Variants in LARP4 observed in about 807,000 individuals in gnomAD.
LARP4 encodes the protein La ribonucleoprotein 4, also known as la-related protein 4.
In LARP4, 29 loss-of-function variants were observed where a neutral mutation model predicts 92.9. That is an observed-to-expected ratio of 0.31 (90% CI 0.23 to 0.43). The LOEUF is 0.43. Ranked by LOEUF, LARP4 falls within the 20% of genes least tolerant of loss-of-function variation. The pLI is 1.00. For synonymous variants in LARP4, 279 were observed against 284.1 expected, an observed-to-expected ratio of 0.98 and a Z score of 0.18; for missense variants, 732 against 860.0, an observed-to-expected ratio of 0.85 and a Z score of 1.86.
chr12:50,410,291 T>C (rs930195213), intron 1 of LARP4, among the ~76,000 whole-genome samples: 5 of 152,020 alleles, frequency 3.3e-5, no homozygotes, highest in African/African-American at 1.2e-4. Flanking sequence ...CTAGGCTGGT[T>C]TGAACTCCTG....
chr12:50,415,287 T>C (rs1345314062), intron 1 of LARP4, among the ~76,000 whole-genome samples: 1 of 152,172 alleles, frequency 6.6e-6, no homozygotes, highest in Non-Finnish European at 1.5e-5. Context: ...GAAGTACTGC[T>C]TATCTTTATG....
chr12:50,456,302 A>T (rs1294284120), intron 10 of LARP4, among the ~76,000 whole-genome samples: 2 of 152,176 alleles, frequency 1.3e-5, no homozygotes, highest in Non-Finnish European at 2.9e-5. Context: ...GTTACTTAAA[A>T]CCACTTGTGT....
chr12:50,471,555 G>T (rs1956933248), intron 13 of LARP4, among the ~76,000 whole-genome samples: 1 of 152,062 alleles, frequency 6.6e-6, no homozygotes, highest in Non-Finnish European at 1.5e-5. Flanking sequence ...ATGGAGTGTC[G>T]CTCTGTCGCG....
At chr12:50,459,022 G>C (rs571323727) in intron 10 of LARP4, among the ~76,000 whole-genome samples, 2 of 152,184 alleles carry the variant, frequency 1.3e-5, no homozygotes, top group Non-Finnish European at 2.9e-5. Context: ...TTTTGAGACG[G>C]AGTTTTGTTT....
intron 9 of LARP4, among the ~76,000 whole-genome samples, chr12:50,454,012 G>A (rs879388666): frequency 1.3e-5 from 2 of 152,058 alleles, no homozygotes; most frequent in African/African-American, 2.4e-5. Flanking sequence ...CTATTAGAGC[G>A]CATAATTTTA....
At chr12:50,418,646 C>G (rs1947246418) in intron 1 of LARP4, among the ~76,000 whole-genome samples, 1 of 151,756 alleles carries the variant, frequency 6.6e-6, no homozygotes, top group Non-Finnish European at 1.5e-5. Context: ...GTCTCGAACT[C>G]CTGAGCTCAA....
At chr12:50,429,122 A>G in intron 3 of LARP4, 32 bp downstream of exon 3, 2 of 1,538,872 alleles carry the variant, frequency 1.3e-6, no homozygotes, top group Non-Finnish European at 1.8e-6. Flanking sequence ...TTAAAATGAG[A>G]ATTCAGTACA....
chr12:50,435,004 C>T (rs1053751749), intron 4 of LARP4, among the ~76,000 whole-genome samples: 10 of 152,286 alleles, frequency 6.6e-5, no homozygotes, highest in Middle Eastern at 3.4e-3. Context: ...GTCGAGTTTG[C>T]GCCACTGCGC....
rs1222634234 is a variant in LARP4, at chr12:50,479,387, A to AT, written c.*3529dup. 6.6e-6 allele frequency: 1 copy of AT among 152,012 alleles called. No individual in the cohort carries two copies. Among genetic ancestry groups the AT allele is most frequent in the Non-Finnish European group, 1.5e-5 (1 of 67,984 alleles). 9.4% of individuals were successfully genotyped at this position (152,012 alleles called of 1,614,324 possible). On this transcript the variant is annotated 3_prime_UTR_variant, in exon 16 of 16. Coordinates refer to ENST00000398473, the MANE Select transcript of LARP4 (RefSeq NM_052879.5). ...ATAATATATGATGGATTTTTTCCTA[A>AT]TTTTTTATATTTCCTTACAATTTTG... is the stretch of plus-strand genomic sequence containing the variant.
At chr12:50,411,771 C>T (rs778235188) in intron 1 of LARP4, among the ~76,000 whole-genome samples, 6 of 152,128 alleles carry the variant, frequency 3.9e-5, no homozygotes, top group Non-Finnish European at 7.3e-5. Flanking sequence ...GCCTCTGCCC[C>T]CCGAGTTCAA....
chr12:50,450,061 G>C lies in LARP4; in HGVS notation c.805-3399G>C, dbSNP rs569976451. Among the ~76,000 whole-genome samples the C allele has an allele frequency of 4.0e-5, 6 of 148,386 alleles. No homozygotes were observed. The South Asian group carries it at 1.3e-3, about 32-fold the overall frequency. On this transcript the variant is annotated intron_variant, in intron 8 of 15. Transcript: ENST00000398473. ...CGATTCCCCTGCCTCAGCCTCCCAA[G>C]TAGCTGGGACTACAGGTGTGCACCA...
At chr12:50,422,982 T>C (rs1330818759) in intron 1 of LARP4, among the ~76,000 whole-genome samples, 1 of 151,842 alleles carries the variant, frequency 6.6e-6, no homozygotes, top group African/African-American at 2.4e-5. Context: ...CATGCTTGGC[T>C]AATTTTTTTG....
At chr12:50,406,872 C>G (rs929976133) in intron 1 of LARP4, among the ~76,000 whole-genome samples, 9 of 151,548 alleles carry the variant, frequency 5.9e-5, no homozygotes, top group African/African-American at 2.2e-4. Context: ...ACGTACGCCA[C>G]CATGCTGGCT....
At chr12:50,436,313 G>A (rs948321786) in intron 5 of LARP4, among the ~76,000 whole-genome samples, 7 of 151,534 alleles carry the variant, frequency 4.6e-5, no homozygotes, top group South Asian at 2.1e-4. Flanking sequence ...CACCACCCCC[G>A]GCCTATATAC....
At position 50,426,719 on chromosome 12, in the gene LARP4, GTGTGTGTGTGTGGT is replaced by G. The variant is rs1354234403; in HGVS notation, c.19-1041_19-1028del. Reference sequence around the variant, plus strand: ...TGTGTGTGTGTGTGTGTGTGTGTGTGTGTGTGTGTGTGGTTTTTTTTTTTTTTTTTTTCTTTTTT... The same window carrying G: ...TGTGTGTGTGTGTGTGTGTGTGTGTGTTTTTTTTTTTTTTTTTTCTTTTTT... On this transcript the variant is annotated intron_variant, in intron 1 of 15. Coordinates refer to ENST00000398473, the MANE Select transcript of LARP4 (RefSeq NM_052879.5). Among the ~76,000 whole-genome samples, 31 of 132,728 alleles carry G rather than the reference GTGTGTGTGTGTGGT, an allele frequency of 2.3e-4. 1 individual carries two copies. The highest frequency in any genetic ancestry group is 6.8e-4 in the African/African-American group (22 of 32,540). 87.1% of individuals were successfully genotyped at this position (132,728 alleles called of 152,430 possible). A position where few individuals can be genotyped will look rare whatever the true frequency, so the allele number is the denominator to read the frequency against.
chr12:50,469,431 C>T (rs895746454), intron 13 of LARP4, among the ~76,000 whole-genome samples: 6 of 151,712 alleles, frequency 4.0e-5, no homozygotes, highest in Admixed American at 6.6e-5. Flanking sequence ...GGTGAAACTC[C>T]GTCTCTACTA....
At chr12:50,413,736 A>T (rs1415902725) in intron 1 of LARP4, among the ~76,000 whole-genome samples, 4 of 152,222 alleles carry the variant, frequency 2.6e-5, no homozygotes, top group Non-Finnish European at 5.9e-5. Flanking sequence ...ACAGTGTACA[A>T]AGTGGTCCTG....
rs1358811387 is a variant in LARP4, at chr12:50,479,146, C to G, written c.*3282C>G. The stretch of plus-strand genomic sequence containing the variant: ...AGTTAATGAACACTTCTCTAGTTTT[C>G]TTAGTTATGGCCTTAATAATTAGTC... On this transcript the variant is annotated 3_prime_UTR_variant, in exon 16 of 16. Transcript: ENST00000398473. The G allele has an allele frequency of 6.6e-6, 1 of 152,564 alleles. No homozygotes were observed. Among genetic ancestry groups the G allele is most frequent in the African/African-American group, 2.4e-5 (1 of 41,444 alleles). The allele number at this position is 152,564 out of a possible 1,614,324, so 9.5% of individuals were successfully genotyped here. A position where few individuals can be genotyped will look rare whatever the true frequency, so the allele number is the denominator to read the frequency against.
intron 12 of LARP4, among the ~76,000 whole-genome samples, chr12:50,465,139 C>T (rs576311335): frequency 6.6e-5 from 10 of 151,424 alleles, no homozygotes; most frequent in South Asian, 2.1e-4. Context: ...TGGGAGGCCC[C>T]GGTGGGTGCA....
Sources: allele counts gnomAD v4.1 joint callset (sites outside exome capture counted in the v4.1 genomes callset), GRCh38; gene constraint gnomAD v4.1.1; transcripts MANE v1.5; gene names NCBI Gene and HGNC (gene_info 2026-07-23, HGNC 2026-07-21).